MCTP1: variants seen among roughly 807,000 people sequenced by gnomAD.
MCTP1 encodes multiple C2 and transmembrane domain-containing protein 1.
Under a neutral mutation model 120.6 loss-of-function variants are expected in MCTP1, and 69 were observed. The observed-to-expected ratio is 0.57, with a 90% CI of 0.47 to 0.70. MCTP1 has a LOEUF of 0.70. Among genes scored for constraint, MCTP1 ranks in the 30% least tolerant of loss-of-function variants. MCTP1 has a pLI of 0.00. For missense variants in MCTP1, 1,203 were observed against 1,248.8 expected (o/e 0.96, Z 0.55); for synonymous variants, 529 against 493.1 (o/e 1.07, Z -0.96).
intron 1 of MCTP1, among the ~76,000 whole-genome samples, chr5:95,163,221 C>T (rs1379615784): frequency 1.3e-5 from 2 of 152,100 alleles, no homozygotes; most frequent in Admixed American, 6.6e-5. Context: ...CAGGGCTTGG[C>T]ATAGTGCCTG....
chr5:95,071,755 A>G (rs1752220986), intron 1 of MCTP1, among the ~76,000 whole-genome samples: 1 of 152,178 alleles, frequency 6.6e-6, no homozygotes, highest in Non-Finnish European at 1.5e-5. Context: ...AACTGTGGCC[A>G]CTGCACAGAC....
chr5:94,827,220 A>T (rs894277202), intron 17 of MCTP1, among the ~76,000 whole-genome samples: 4 of 152,056 alleles, frequency 2.6e-5, no homozygotes, highest in African/African-American at 9.7e-5. Flanking sequence ...TTTCTTCTTC[A>T]CTTATGAAGC....
chr5:94,745,568 C>G (rs534351599), intron 19 of MCTP1, among the ~76,000 whole-genome samples: 49 of 152,196 alleles, frequency 3.2e-4, no homozygotes, highest in African/African-American at 1.1e-3. Flanking sequence ...TTACTGTTCT[C>G]CATTTGAGTA....
intron 1 of MCTP1, among the ~76,000 whole-genome samples, chr5:95,022,126 T>C (rs1385046693): frequency 6.6e-6 from 1 of 152,198 alleles, no homozygotes; most frequent in African/African-American, 2.4e-5. Flanking sequence ...CTATCATATG[T>C]CAGCATACTT....
chr5:95,031,435 T>C (rs1840270025), intron 1 of MCTP1, among the ~76,000 whole-genome samples: 1 of 152,190 alleles, frequency 6.6e-6, no homozygotes, highest in Non-Finnish European at 1.5e-5. Context: ...AACAGTGGAC[T>C]TCTCAGCAGA....
chr5:95,233,431 C>G lies in MCTP1; in HGVS notation c.720+50425G>C, dbSNP rs530517774. ...GCAAACTCTGCCTCCTGGGTTCATGCCATTCTTCTGCCTCAGCCTCCCAAG... is the reference window on the plus strand; with the variant it reads ...GCAAACTCTGCCTCCTGGGTTCATGGCATTCTTCTGCCTCAGCCTCCCAAG... On this transcript the variant is annotated intron_variant, in intron 1 of 22. Transcript: ENST00000515393. 2.0e-5 allele frequency among the ~76,000 whole-genome samples: 3 copies of G among 151,868 alleles called. No homozygotes were observed. The East Asian group carries it at 5.8e-4, about 29-fold the overall frequency.
At chr5:95,190,615 T>C (rs1237411508) in intron 1 of MCTP1, among the ~76,000 whole-genome samples, 2 of 152,014 alleles carry the variant, frequency 1.3e-5, no homozygotes, top group Non-Finnish European at 2.9e-5. Context: ...TTCCATGTCA[T>C]TTACTAGCTA....
At chr5:95,240,301 T>C (rs1756021126) in intron 1 of MCTP1, among the ~76,000 whole-genome samples, 1 of 152,230 alleles carries the variant, frequency 6.6e-6, no homozygotes, top group Admixed American at 6.5e-5. Context: ...GATATTCAGA[T>C]ACTGACCTTA....
intron 1 of MCTP1, among the ~76,000 whole-genome samples, chr5:95,036,603 G>A (rs1473138834): frequency 9.2e-5 from 14 of 152,046 alleles, no homozygotes; most frequent in Admixed American, 8.5e-4. Flanking sequence ...TTATTTCAAA[G>A]GTAACTTCAG....
chr5:94,974,248 T>C (rs1827549210), intron 2 of MCTP1, among the ~76,000 whole-genome samples: 1 of 152,136 alleles, frequency 6.6e-6, no homozygotes, highest in African/African-American at 2.4e-5. Context: ...TTCCTAATCA[T>C]TTAGGAATAC....
At chr5:95,104,665 TTA>T (rs1240013434) in intron 1 of MCTP1, among the ~76,000 whole-genome samples, 1 of 152,232 alleles carries the variant, frequency 6.6e-6, no homozygotes, top group Non-Finnish European at 1.5e-5. Flanking sequence ...TGCATTTTTA[TTA>T]TGTTTACTGT....
At chr5:94,913,415 G>T (rs1809297768) in intron 8 of MCTP1, among the ~76,000 whole-genome samples, 1 of 152,122 alleles carries the variant, frequency 6.6e-6, no homozygotes, top group Non-Finnish European at 1.5e-5. Context: ...TTTACAGGTG[G>T]TTTTTAATTG....
At chr5:94,775,905 AAAC>A (rs545781216) in intron 19 of MCTP1, among the ~76,000 whole-genome samples, 4 of 148,614 alleles carry the variant, frequency 2.7e-5, no homozygotes, top group East Asian at 1.9e-4. Flanking sequence ...TTTGAATAAA[AAAC>A]AACTAATATA....
chr5:95,224,418 C>A (rs951752659), intron 1 of MCTP1, among the ~76,000 whole-genome samples: 10 of 152,040 alleles, frequency 6.6e-5, no homozygotes, highest in African/African-American at 2.4e-4. Context: ...CCCAAAGAAT[C>A]AGTCCACCAT....
At chr5:94,876,201 T>A (rs896330598) in intron 12 of MCTP1, among the ~76,000 whole-genome samples, 4 of 152,198 alleles carry the variant, frequency 2.6e-5, no homozygotes, top group African/African-American at 9.6e-5. Flanking sequence ...CAGCTTTGAT[T>A]ATCTGCCACT....
intron 12 of MCTP1, among the ~76,000 whole-genome samples, chr5:94,879,181 CTT>C (rs1167461565): frequency 2.0e-5 from 3 of 152,106 alleles, no homozygotes; most frequent in Non-Finnish European, 2.9e-5. Flanking sequence ...ATCTTAAGGT[CTT>C]TGGTGTATAC....
intron 1 of MCTP1, among the ~76,000 whole-genome samples, chr5:95,157,081 A>C (rs141314648): frequency 1.6e-4 from 24 of 152,320 alleles, no homozygotes; most frequent in Middle Eastern, 3.4e-3. Context: ...CTGTGGCCCT[A>C]ATACTTTTTT....
intron 3 of MCTP1, among the ~76,000 whole-genome samples, chr5:94,946,953 G>A (rs1819085434): frequency 6.6e-6 from 1 of 152,166 alleles, no homozygotes; most frequent in African/African-American, 2.4e-5. Context: ...TGGCTGAGTA[G>A]TATGTCTGTA....
At chr5:94,976,046 C>T (rs1393501691) in intron 2 of MCTP1, among the ~76,000 whole-genome samples, 4 of 152,106 alleles carry the variant, frequency 2.6e-5, no homozygotes, top group African/African-American at 9.7e-5. Context: ...GTAACCAGTA[C>T]TTAAGTTGCA....
Sources: allele counts gnomAD v4.1 joint callset (sites outside exome capture counted in the v4.1 genomes callset), GRCh38; gene constraint gnomAD v4.1.1; transcripts MANE v1.5; gene names NCBI Gene and HGNC (gene_info 2026-07-23, HGNC 2026-07-21).